Variants in GRIK2 observed in about 807,000 individuals in gnomAD.
GRIK2 encodes the protein glutamate ionotropic receptor kainate type subunit 2.
A neutral mutation model predicts 100.3 loss-of-function variants in GRIK2; 32 were observed. The observed-to-expected ratio is 0.32, with a 90% CI of 0.24 to 0.43. The LOEUF is 0.43. Among genes scored for constraint, GRIK2 ranks in the 20% least tolerant of loss-of-function variants. The pLI is 1.00. For missense variants in GRIK2, 843 were observed against 1,114.9 expected (o/e 0.76, Z 3.47); for synonymous variants, 417 against 389.4 (o/e 1.07, Z -0.83).
At chr6:101,815,806 T>A (rs1781599279) in intron 9 of GRIK2, among the ~76,000 whole-genome samples, 1 of 152,136 alleles carries the variant, frequency 6.6e-6, no homozygotes, top group African/African-American at 2.4e-5. Flanking sequence ...AATCTAGGAA[T>A]ATCTAAAATT....
intron 14 of GRIK2, among the ~76,000 whole-genome samples, chr6:102,034,262 G>A (rs953606473): frequency 6.6e-6 from 1 of 151,312 alleles, no homozygotes; most frequent in Non-Finnish European, 1.5e-5. Flanking sequence ...ACAGTGCCAG[G>A]ATTTTTCTCT....
At chr6:101,797,637 A>C (rs1271552882) in intron 7 of GRIK2, among the ~76,000 whole-genome samples, 1 of 147,038 alleles carries the variant, frequency 6.8e-6, no homozygotes, top group Non-Finnish European at 1.5e-5. Flanking sequence ...ACATATATTT[A>C]TAAAGTAAAT....
chr6:101,955,615 T>TCTCTCTCTCTCTCC (rs1405718742), intron 14 of GRIK2, among the ~76,000 whole-genome samples: 4 of 93,206 alleles, frequency 4.3e-5, no homozygotes, highest in African/African-American at 1.7e-4. Flanking sequence ...TCTCTCTCTC[T>TCTCTCTCTCTCTCC]CCCCCCCATT....
At chr6:102,065,669 G>A (rs1179150190) in intron 16 of GRIK2, 1 of 534,004 alleles carries the variant, frequency 1.9e-6, no homozygotes. Context: ...AAATTTATTG[G>A]TTTTAAATGA....
chr6:101,418,654 AG>A (rs1191296720), intron 2 of GRIK2, among the ~76,000 whole-genome samples: 12 of 152,116 alleles, frequency 7.9e-5, no homozygotes, highest in African/African-American at 2.2e-4. Context: ...CAGGGAAGGA[AG>A]GTGGGAGAGG....
intron 14 of GRIK2, among the ~76,000 whole-genome samples, chr6:101,987,101 T>C (rs1238796247): frequency 6.6e-6 from 1 of 151,830 alleles, no homozygotes; most frequent in Non-Finnish European, 1.5e-5. Context: ...TATGATCATA[T>C]GATCAATCCA....
At chr6:101,896,931 T>A (rs376309534) in intron 12 of GRIK2, among the ~76,000 whole-genome samples, 2 of 151,804 alleles carry the variant, frequency 1.3e-5, no homozygotes, top group African/African-American at 4.8e-5. Context: ...TAAATTCTTA[T>A]ATTTGCTACC....
At chr6:101,886,914 C>A (rs1424750086) in intron 11 of GRIK2, among the ~76,000 whole-genome samples, 1 of 150,250 alleles carries the variant, frequency 6.7e-6, no homozygotes, top group Non-Finnish European at 1.5e-5. Flanking sequence ...CAACCTCCAC[C>A]TCCTGGGTTC....
intron 7 of GRIK2, among the ~76,000 whole-genome samples, chr6:101,708,231 A>G (rs112835650): frequency 3.9e-4 from 59 of 151,776 alleles, no homozygotes; most frequent in African/African-American, 1.3e-3. Flanking sequence ...TACAATATAG[A>G]GCTCAACTTG....
At chr6:101,884,840 C>T (rs1487163343) in intron 11 of GRIK2, among the ~76,000 whole-genome samples, 6 of 152,176 alleles carry the variant, frequency 3.9e-5, no homozygotes, top group African/African-American at 1.4e-4. Flanking sequence ...CAAATTTTAT[C>T]CTATGCCTTA....
At chr6:101,909,375 TC>T (rs145844729) in intron 12 of GRIK2, among the ~76,000 whole-genome samples, 2,846 of 117,906 alleles carry the variant, frequency 0.024, 200 homozygotes, top group African/African-American at 0.033. Flanking sequence ...GATAGGGTTT[TC>T]TTTTTCTTTT....
In GRIK2 at chr6:101,586,916, G is replaced by T. The variant is rs799538; in HGVS notation, c.116-35033G>T. Among the ~76,000 whole-genome samples the T allele has an allele frequency of 1.7e-3, 229 of 132,154 alleles. 1 individual carries two copies. The highest frequency in any genetic ancestry group is 7.0e-3 in the African/African-American group (225 of 32,110). The allele number at this position is 132,154 out of a possible 152,430, so 86.7% of individuals were successfully genotyped here. On this transcript the variant is annotated intron_variant, in intron 2 of 16. Transcript: ENST00000369134. ...ACAAAAAAAAAAAAAAAAAAAAAGA[G>T]AGATATCAAAAACAGAAGAGTCAGC...
chr6:101,912,272 A>G (rs1291469589), intron 12 of GRIK2, among the ~76,000 whole-genome samples: 2 of 151,506 alleles, frequency 1.3e-5, no homozygotes, highest in Non-Finnish European at 3.0e-5. Context: ...AAGTAATCAG[A>G]GGAAGAGCAG....
intron 15 of GRIK2, among the ~76,000 whole-genome samples, chr6:102,050,120 C>T (rs1416543816): frequency 3.3e-5 from 5 of 151,928 alleles, no homozygotes; most frequent in African/African-American, 1.2e-4. Context: ...AGAGTTTGTA[C>T]AGGGTAGTAA....
At chr6:101,579,041 ATAAAG>A (rs1336947881) in intron 2 of GRIK2, among the ~76,000 whole-genome samples, 1 of 152,192 alleles carries the variant, frequency 6.6e-6, no homozygotes, top group Non-Finnish European at 1.5e-5. Context: ...TGTTAAATAA[ATAAAG>A]TAAATGTAGG....
chr6:102,007,391 G>T (rs558702685), intron 14 of GRIK2, among the ~76,000 whole-genome samples: 1 of 152,204 alleles, frequency 6.6e-6, no homozygotes, highest in African/African-American at 2.4e-5. Context: ...AAAGATAAAT[G>T]ACATAAATAT....
intron 14 of GRIK2, among the ~76,000 whole-genome samples, chr6:101,992,415 G>A (rs147097476): frequency 8.6e-5 from 13 of 151,720 alleles, no homozygotes; most frequent in African/African-American, 2.9e-4. Flanking sequence ...CCTCTTGGCA[G>A]TTTTCAGCGA....
intron 8 of GRIK2, 26 bp downstream of exon 8, chr6:101,799,817 T>C: frequency 1.3e-6 from 2 of 1,581,706 alleles, no homozygotes; most frequent in Non-Finnish European, 1.7e-6. Context: ...AACATCTGCC[T>C]TGTCTCTTTT....
chr6:101,495,916 G>T (rs1773418689), intron 2 of GRIK2, among the ~76,000 whole-genome samples: 1 of 151,812 alleles, frequency 6.6e-6, no homozygotes, highest in South Asian at 2.1e-4. Flanking sequence ...AAGGAAGGAT[G>T]TGTGCTGGTA....
Sources: allele counts gnomAD v4.1 joint callset (sites outside exome capture counted in the v4.1 genomes callset), GRCh38; gene constraint gnomAD v4.1.1; transcripts MANE v1.5; gene names NCBI Gene and HGNC (gene_info 2026-07-23, HGNC 2026-07-21).